RALGPS2: variants seen among roughly 807,000 people sequenced by gnomAD.
The protein encoded by RALGPS2 is ras-specific guanine nucleotide-releasing factor RalGPS2.
Under a neutral mutation model 86.8 loss-of-function variants are expected in RALGPS2, and 43 were observed. The observed-to-expected ratio is 0.50, with a 90% CI of 0.39 to 0.64. The LOEUF is 0.64. Ranked by LOEUF, RALGPS2 falls within the 30% of genes least tolerant of loss-of-function variation. The pLI is 0.00. For synonymous variants in RALGPS2, 243 were observed against 231.3 expected, an observed-to-expected ratio of 1.05 and a Z score of -0.46; for missense variants, 536 against 694.6, an observed-to-expected ratio of 0.77 and a Z score of 2.57.
At chr1:178,780,742 T>A (rs543583415) in intron 2 of RALGPS2, among the ~76,000 whole-genome samples, 21 of 152,260 alleles carry the variant, frequency 1.4e-4, no homozygotes, top group African/African-American at 4.8e-4. Context: ...TTCTGGTGTG[T>A]CCCCTCCCCA....
chr1:178,885,325 A>G (rs1659437406), intron 12 of RALGPS2, 114 bp downstream of exon 12: 1 of 1,039,732 alleles, frequency 9.6e-7, no homozygotes, highest in South Asian at 2.1e-5. Flanking sequence ...TTTTTTCTTA[A>G]TAGCTGTTTT....
intron 1 of RALGPS2, among the ~76,000 whole-genome samples, chr1:178,757,286 C>G (rs1572292243): frequency 6.6e-6 from 1 of 151,966 alleles, no homozygotes; most frequent in African/African-American, 2.4e-5. Flanking sequence ...ATTTGGATGC[C>G]TTTTATTTCT....
chr1:178,774,197 C>T (rs1189174738), intron 1 of RALGPS2, among the ~76,000 whole-genome samples: 1 of 152,042 alleles, frequency 6.6e-6, no homozygotes, highest in Non-Finnish European at 1.5e-5. Context: ...ATTGCTTGAA[C>T]CTGGGAGGCG....
chr1:178,725,820 C>G (rs924890087), intron 1 of RALGPS2: 12 of 152,350 alleles, frequency 7.9e-5, no homozygotes, highest in Non-Finnish European at 1.5e-4. Context: ...CAGGTGAGCC[C>G]GATCCCGGAC....
chr1:178,739,781 A>C (rs2102019273), intron 1 of RALGPS2, among the ~76,000 whole-genome samples: 1 of 152,362 alleles, frequency 6.6e-6, no homozygotes, highest in Middle Eastern at 3.4e-3. Flanking sequence ...AACCACTTTG[A>C]AGGTTTGGAC....
At chr1:178,742,153 A>G (rs938501360) in intron 1 of RALGPS2, among the ~76,000 whole-genome samples, 2 of 144,714 alleles carry the variant, frequency 1.4e-5, no homozygotes, top group Non-Finnish European at 3.1e-5. Flanking sequence ...AAAAAAAAAG[A>G]AGAAGAAGCA....
chr1:178,750,106 G>A (rs999216210), intron 1 of RALGPS2, among the ~76,000 whole-genome samples: 1 of 152,146 alleles, frequency 6.6e-6, no homozygotes, highest in Admixed American at 6.6e-5. Context: ...GTGAGACTCT[G>A]TCTCAAGAAA....
intron 2 of RALGPS2, among the ~76,000 whole-genome samples, chr1:178,784,087 C>T (rs1166506135): frequency 6.6e-6 from 1 of 152,078 alleles, no homozygotes; most frequent in Non-Finnish European, 1.5e-5. Context: ...ATAGCCTTCT[C>T]CCCTGACTTC....
intron 8 of RALGPS2, among the ~76,000 whole-genome samples, chr1:178,867,532 C>G (rs879441658): frequency 1.4e-4 from 21 of 152,048 alleles, no homozygotes; most frequent in Non-Finnish European, 2.4e-4. Flanking sequence ...CCTTCTACTC[C>G]TAACTTTTCT....
chr1:178,771,831 G>A (rs1652825084), intron 1 of RALGPS2, among the ~76,000 whole-genome samples: 1 of 152,108 alleles, frequency 6.6e-6, no homozygotes, highest in Admixed American at 6.5e-5. Context: ...TCATTTAGCA[G>A]TATATTATAA....
chr1:178,805,533 G>A (rs893255583), intron 4 of RALGPS2, among the ~76,000 whole-genome samples: 7 of 151,708 alleles, frequency 4.6e-5, no homozygotes. Context: ...TATTAAATAG[G>A]GAATCCTTTC....
At chr1:178,854,114 T>C (rs936324986) in intron 8 of RALGPS2, among the ~76,000 whole-genome samples, 5 of 152,124 alleles carry the variant, frequency 3.3e-5, no homozygotes, top group Admixed American at 1.3e-4. Context: ...ATCCTTGACA[T>C]TGATATATTT....
intron 1 of RALGPS2, among the ~76,000 whole-genome samples, chr1:178,738,357 T>G (rs1186071815): frequency 6.6e-6 from 1 of 151,978 alleles, no homozygotes; most frequent in African/African-American, 2.4e-5. Context: ...TACAGGCACA[T>G]GCCACCATGC....
At chr1:178,916,302 C>A in intron 19 of RALGPS2, 28 bp from the exon 20 acceptor site, 1 of 1,555,818 alleles carries the variant, frequency 6.4e-7, no homozygotes. Flanking sequence ...AACTTTTAAA[C>A]TCAGTTTTTA....
At chr1:178,916,261 A>G (rs925066762) in intron 19 of RALGPS2, 69 bp from the exon 20 acceptor site, 6 of 1,302,284 alleles carry the variant, frequency 4.6e-6, no homozygotes, top group African/African-American at 3.0e-5. Context: ...CTAAATAACA[A>G]GGAAAGATAA....
intron 4 of RALGPS2, among the ~76,000 whole-genome samples, chr1:178,806,846 T>G (rs1654773606): frequency 6.6e-6 from 1 of 152,192 alleles, no homozygotes. Context: ...GCTATTGTTG[T>G]ATTACAGAAG....
intron 1 of RALGPS2, among the ~76,000 whole-genome samples, chr1:178,760,393 A>T (rs1293341947): frequency 6.6e-6 from 1 of 152,150 alleles, no homozygotes; most frequent in Non-Finnish European, 1.5e-5. Context: ...TATATTTAGG[A>T]TAGTTAAGTC....
At chr1:178,773,753 G>A (rs1216646721) in intron 1 of RALGPS2, among the ~76,000 whole-genome samples, 28 of 149,136 alleles carry the variant, frequency 1.9e-4, no homozygotes, top group Non-Finnish European at 3.3e-4. Context: ...CCAAGATCCC[G>A]CCACTGCACT....
chr1:178,805,554 G>A (rs535964330), intron 4 of RALGPS2, among the ~76,000 whole-genome samples: 1 of 152,034 alleles, frequency 6.6e-6, no homozygotes, highest in East Asian at 1.9e-4. Flanking sequence ...CCCATTGCTT[G>A]TTTTTCTCAG....
Sources: allele counts gnomAD v4.1 joint callset (sites outside exome capture counted in the v4.1 genomes callset), GRCh38; gene constraint gnomAD v4.1.1; transcripts MANE v1.5; gene names NCBI Gene and HGNC (gene_info 2026-07-23, HGNC 2026-07-21).